Variants in ZNF727 observed in about 807,000 individuals in gnomAD.
ZNF727 encodes zinc finger protein 727, also known as putative zinc finger protein 727.
A neutral mutation model predicts 11.5 loss-of-function variants in ZNF727; 11 were observed. That is an observed-to-expected ratio of 0.95 (90% CI 0.60 to 1.58). The LOEUF is 1.58. Ranked by LOEUF, ZNF727 falls within the 40% of genes most tolerant of loss-of-function variation. The pLI, the probability that ZNF727 is intolerant of heterozygous loss-of-function variation, is 0.00. For missense variants in ZNF727, 533 were observed against 581.7 expected, an observed-to-expected ratio of 0.92 and a Z score of 0.86; for synonymous variants, 171 against 196.1, an observed-to-expected ratio of 0.87 and a Z score of 1.07.
chr7:64,056,003 TTAA>T (rs1789680558), intron 1 of ZNF727, among the ~76,000 whole-genome samples: 1 of 152,174 alleles, frequency 6.6e-6, no homozygotes, highest in Non-Finnish European at 1.5e-5. Context: ...GCACCAGGAG[TTAA>T]AAAACATTCT....
chr7:64,061,574 G>GA (rs1263037850), intron 1 of ZNF727, among the ~76,000 whole-genome samples: 1 of 151,174 alleles, frequency 6.6e-6, no homozygotes, highest in African/African-American at 2.4e-5. Flanking sequence ...CTTTATTGGT[G>GA]AAGTATGTAT....
intron 1 of ZNF727, among the ~76,000 whole-genome samples, chr7:64,063,494 C>T (rs1789810949): frequency 7.0e-6 from 1 of 143,164 alleles, no homozygotes; most frequent in Admixed American, 6.8e-5. Context: ...TCTCTCTCTG[C>T]ATGCTGAGCT....
At chr7:64,057,080 TA>T (rs1332337345) in intron 1 of ZNF727, among the ~76,000 whole-genome samples, 2 of 152,058 alleles carry the variant, frequency 1.3e-5, no homozygotes, top group Non-Finnish European at 2.9e-5. Flanking sequence ...AATAAGCATT[TA>T]AAAAATACTA....
chr7:64,049,667 C>T (rs1421056906), intron 1 of ZNF727, among the ~76,000 whole-genome samples: 1 of 151,514 alleles, frequency 6.6e-6, no homozygotes, highest in African/African-American at 2.4e-5. Flanking sequence ...ATAGGACATA[C>T]TAACAGATCT....
chr7:64,061,640 T>C (rs1382484819), intron 1 of ZNF727, among the ~76,000 whole-genome samples: 1 of 151,974 alleles, frequency 6.6e-6, no homozygotes, highest in Non-Finnish European at 1.5e-5. Context: ...TTGGCCAATC[T>C]GTGTCTTTTG....
Position 64,045,602 on chromosome 7 carries a change from G to C in ZNF727, c.-20G>C. 1 of 1,556,120 alleles carries C rather than the reference G, an allele frequency of 6.4e-7. No individual in the cohort carries two copies. The highest frequency in any genetic ancestry group is 8.7e-7 in the Non-Finnish European group (1 of 1,149,408). Reference sequence around the variant, plus strand: ...TGGGAGATCCATAGGGAAGAAGGCGGAACATCCGGAGGCTGGGAAATGGTG... The same window carrying C: ...TGGGAGATCCATAGGGAAGAAGGCGCAACATCCGGAGGCTGGGAAATGGTG... On this transcript the variant is annotated 5_prime_UTR_variant, in exon 1 of 4. Transcript: ENST00000456806.
Position 64,080,879 on chromosome 7 carries a change from G to GTTTTT in ZNF727, c.*2332_*2336dup, listed in dbSNP as rs1256272917. Reference sequence around the variant, plus strand: ...TGTTCCTGGGAGTTTTTTGTTTTTTGTTTTTTGTTTTTGTTTTTTTTTTTG... The same window carrying GTTTTT: ...TGTTCCTGGGAGTTTTTTGTTTTTTGTTTTTTTTTTTGTTTTTGTTTTTTTTTTTG... On this transcript the variant is annotated 3_prime_UTR_variant, in exon 4 of 4. Coordinates refer to ENST00000456806, the MANE Select transcript of ZNF727 (RefSeq NM_001159522.3). Among the ~76,000 whole-genome samples, 1 of 145,644 alleles carries GTTTTT rather than the reference G, an allele frequency of 6.9e-6. No individual in the cohort carries two copies. Among genetic ancestry groups the GTTTTT allele is most frequent in the East Asian group, 2.3e-4 (1 of 4,374 alleles).
rs900647737 is a variant in ZNF727 at position 64,053,389 on chromosome 7, C to T, written c.3+7765C>T. ...AGGCTGGAGTGCAGTGGCACAGTCTCGGCTCACTGCAATCTCCGCCTCCTG... is the reference window on the plus strand; with the variant it reads ...AGGCTGGAGTGCAGTGGCACAGTCTTGGCTCACTGCAATCTCCGCCTCCTG... On this transcript the variant is annotated intron_variant, in intron 1 of 3. Coordinates refer to ENST00000456806, the MANE Select transcript of ZNF727 (RefSeq NM_001159522.3). Among the ~76,000 whole-genome samples, 20 of 152,264 alleles carry T rather than the reference C, an allele frequency of 1.3e-4. No individual in the cohort carries two copies. In the South Asian group the frequency reaches 1.7e-3, roughly 13 times the overall value.
chr7:64,060,216 T>C (rs1455204687), intron 1 of ZNF727, among the ~76,000 whole-genome samples: 1 of 152,226 alleles, frequency 6.6e-6, no homozygotes, highest in Non-Finnish European at 1.5e-5. Context: ...AGATTGCCTA[T>C]GATGCATATC....
intron 1 of ZNF727, among the ~76,000 whole-genome samples, chr7:64,063,047 TTTTCAAAACAGCTG>T (rs930000897): frequency 4.6e-4 from 70 of 151,420 alleles, no homozygotes; most frequent in Non-Finnish European, 7.1e-4. Context: ...TTGCTGAGCT[TTTTCAAAACAGCTG>T]TTTTGAATTT....
intron 1 of ZNF727, among the ~76,000 whole-genome samples, chr7:64,060,944 A>G: frequency 6.6e-6 from 1 of 151,934 alleles, no homozygotes; most frequent in Non-Finnish European, 1.5e-5. Context: ...GTCATTCAGG[A>G]GCATATTTTA....
Position 64,079,321 on chromosome 7 carries a change from G to A in ZNF727, c.*772G>A, listed in dbSNP as rs1785747221. On this transcript the variant is annotated 3_prime_UTR_variant, in exon 4 of 4. Coordinates refer to ENST00000456806, the MANE Select transcript of ZNF727 (RefSeq NM_001159522.3). ...AGAGACTTACTACTGAACAAATGTA[G>A]TATAAAGGTAATGACTTGAAGAACA... Among the ~76,000 whole-genome samples the A allele has an allele frequency of 6.6e-6, 1 of 152,186 alleles. No homozygotes were observed. Among genetic ancestry groups the A allele is most frequent in the South Asian group, 2.1e-4 (1 of 4,832 alleles).
intron 3 of ZNF727, among the ~76,000 whole-genome samples, chr7:64,070,217 G>A (rs1261883245): frequency 1.3e-5 from 2 of 152,026 alleles, no homozygotes; most frequent in Non-Finnish European, 2.9e-5. Flanking sequence ...TACTTCAAAT[G>A]TTATTCTTTT....
rs1785852527 is a variant in ZNF727 at position 64,085,066 on chromosome 7, A to G, written c.*6517A>G. 6.6e-6 allele frequency among the ~76,000 whole-genome samples: 1 copy of G among 152,156 alleles called. No individual in the cohort carries two copies. The highest frequency in any genetic ancestry group is 1.5e-5 in the Non-Finnish European group (1 of 68,002). On this transcript the variant is annotated 3_prime_UTR_variant, in exon 4 of 4. Coordinates refer to ENST00000456806, the MANE Select transcript of ZNF727 (RefSeq NM_001159522.3). ...TGTTTTCTTGTTGTTCACCATAGGC[A>G]TAATATATCATTTTCTTGTCATCTA...
rs117038971 is a variant in ZNF727 at position 64,060,667 on chromosome 7, C to T, written c.4-8224C>T. The stretch of plus-strand genomic sequence containing the variant: ...TTTTCAAAAAACTAACTTTTCATTA[C>T]GTTTATCTTTTGATATTTTGTTTTG... On this transcript the variant is annotated intron_variant, in intron 1 of 3. Transcript: ENST00000456806. 5.8e-3 allele frequency among the ~76,000 whole-genome samples: 881 copies of T among 152,178 alleles called. 41 individuals carry two copies. The East Asian group carries it at 0.098, about 17-fold the overall frequency.
chr7:64,064,178 C>T (rs1584148310), intron 1 of ZNF727, among the ~76,000 whole-genome samples: 2 of 152,146 alleles, frequency 1.3e-5, no homozygotes, highest in Non-Finnish European at 2.9e-5. Flanking sequence ...ACTCTTCCCT[C>T]TCTTTTCCTC....
rs1187753150 is a variant in ZNF727 at position 64,084,584 on chromosome 7, G to A, written c.*6035G>A. Among the ~76,000 whole-genome samples, 1 of 152,038 alleles carries A rather than the reference G, an allele frequency of 6.6e-6. No individual in the cohort carries two copies. Among genetic ancestry groups the A allele is most frequent in the Admixed American group, 6.6e-5 (1 of 15,258 alleles). Reference sequence around the variant, plus strand: ...ACAAATTAACATTTTTGTTTTTCTTGTAACTACAGGTTATTATGATGTTTG... The same window carrying A: ...ACAAATTAACATTTTTGTTTTTCTTATAACTACAGGTTATTATGATGTTTG... On this transcript the variant is annotated 3_prime_UTR_variant, in exon 4 of 4. Coordinates refer to ENST00000456806, the MANE Select transcript of ZNF727 (RefSeq NM_001159522.3).
At chr7:64,067,897 AG>A (rs201395099) in intron 1 of ZNF727, among the ~76,000 whole-genome samples, 4,568 of 68,092 alleles carry the variant, frequency 0.067, 81 homozygotes, top group Admixed American at 0.12. Flanking sequence ...CAGAACTTAA[AG>A]CTTTTAAAAA....
chr7:64,064,553 C>G (rs1425297336), intron 1 of ZNF727, among the ~76,000 whole-genome samples: 1 of 152,182 alleles, frequency 6.6e-6, no homozygotes, highest in Non-Finnish European at 1.5e-5. Flanking sequence ...ACTGCACTGC[C>G]TGTGCCTGGG....
Sources: gnomAD v4.1 joint callset for allele counts (sites outside exome capture counted in the v4.1 genomes callset) on GRCh38, gnomAD v4.1.1 for gene constraint, MANE v1.5 for transcripts, NCBI Gene and HGNC (gene_info 2026-07-23, HGNC 2026-07-21) for gene names.